FANCM: variants seen among roughly 807,000 people sequenced by gnomAD.
FANCM encodes Fanconi anemia group M protein.
A neutral mutation model predicts 199.5 loss-of-function variants in FANCM; 140 were observed. That is an observed-to-expected ratio of 0.70 (90% CI 0.61 to 0.81). The LOEUF (loss-of-function observed/expected upper bound fraction) is 0.81, where lower values mean the gene tolerates loss of function less well. FANCM is among the 30% of genes least tolerant of loss of function. The pLI is 0.00. For synonymous variants in FANCM, 840 were observed against 836.8 expected (o/e 1.00, Z -0.07); for missense variants, 2,410 against 2,421.4 (o/e 1.00, Z 0.10).
rs1012298478 is a variant in FANCM, at chr14:45,140,777, A to G, written c.759+68A>G. ...AGCTTTTGGCCAGGTGCAGTGAGTC[A>G]TACCTGTAATCCTAGTGCTTTGGGA... On this transcript the variant is annotated intron_variant, in intron 3 of 22. Coordinates refer to ENST00000267430, the MANE Select transcript of FANCM (RefSeq NM_020937.4). The G allele has an allele frequency of 2.4e-4, 225 of 952,260 alleles. 3 individuals carry two copies. The South Asian group carries it at 2.8e-3, about 12-fold the overall frequency. 59.0% of individuals were successfully genotyped at this position (952,260 alleles called of 1,614,324 possible). A position where few individuals can be genotyped will look rare whatever the true frequency, so the allele number is the denominator to read the frequency against.
intron 8 of FANCM, among the ~76,000 whole-genome samples, chr14:45,157,042 G>C (rs1231943746): frequency 6.6e-6 from 1 of 151,704 alleles, no homozygotes; most frequent in Non-Finnish European, 1.5e-5. Context: ...AAGTATGTGA[G>C]GTAATATGTA....
rs764743944 is a variant in FANCM, at chr14:45,159,205, T to TTA, written c.1506_1507insTA (p.Ile503Ter). ...AAATGCTTTCACAGCATCAGCCAAT[T>TTA]ATTAGAGTAATGACTTTTGTCGGCC... On this transcript the variant is annotated frameshift_variant, in exon 9 of 23. Coordinates refer to ENST00000267430, the MANE Select transcript of FANCM (RefSeq NM_020937.4). LOFTEE classifies it high-confidence loss of function. The TTA allele has an allele frequency of 1.2e-6, 2 of 1,613,904 alleles. No homozygotes were observed. The highest frequency in any genetic ancestry group is 2.7e-5 in the African/African-American group (2 of 75,050).
Position 45,200,033 on chromosome 14 carries a change from C to G in FANCM, c.*25C>G. The stretch of plus-strand genomic sequence containing the variant: ...ATCAAGCTGCTCAAGATGGGGTTTT[C>G]AAAGACCTCTCACAATATTAAATGC... On this transcript the variant is annotated 3_prime_UTR_variant, in exon 23 of 23. Transcript: ENST00000267430. The G allele has an allele frequency of 6.4e-7, 1 of 1,568,402 alleles. No homozygotes were observed. Among genetic ancestry groups the G allele is most frequent in the South Asian group, 1.1e-5 (1 of 89,764 alleles).
chr14:45,155,815 AAAAC>A (rs752612792), intron 8 of FANCM, among the ~76,000 whole-genome samples: 15 of 152,216 alleles, frequency 9.9e-5, no homozygotes, highest in East Asian at 1.9e-4. Context: ...TCTCGAAAAT[AAAAC>A]AAACAAAGAA....
chr14:45,161,736 C>G (rs1887622047), intron 9 of FANCM, among the ~76,000 whole-genome samples: 1 of 151,980 alleles, frequency 6.6e-6, no homozygotes, highest in Non-Finnish European at 1.5e-5. Flanking sequence ...AAGATCACAC[C>G]ACTGCACTTC....
chr14:45,197,201 C>T (rs1481741631), intron 21 of FANCM, among the ~76,000 whole-genome samples: 1 of 152,098 alleles, frequency 6.6e-6, no homozygotes, highest in Non-Finnish European at 1.5e-5. Context: ...ACTGGCTTCT[C>T]TGTGTGATAT....
intron 20 of FANCM, chr14:45,195,350 G>A: frequency 2.9e-6 from 1 of 342,772 alleles, no homozygotes; most frequent in Non-Finnish European, 5.8e-6. Flanking sequence ...CCAGTATGTA[G>A]ATACCAATTC....
Position 45,183,825 on chromosome 14 carries a change from C to T in FANCM, c.4438C>T (p.Gln1480Ter). 1 of 1,608,836 alleles carries T rather than the reference C, an allele frequency of 6.2e-7. No homozygotes were observed. The highest frequency in any genetic ancestry group is 8.5e-7 in the Non-Finnish European group (1 of 1,175,612). Reference sequence around the variant, plus strand: ...TGAGAATTTTCCCAAACCATGTTCACAATTAGAAGACTTCAAGGTTTGTAA... The same window carrying T: ...TGAGAATTTTCCCAAACCATGTTCATAATTAGAAGACTTCAAGGTTTGTAA... ...ESENFPKPCS[Q>*]LEDFKVCNGN... The change falls in exon 17 of 23, where the codon CAA becomes TAA. Residue 1480 changes from glutamine (Q) to a stop codon, truncating the protein, a stop_gained. Coordinates refer to ENST00000267430, the MANE Select transcript of FANCM (RefSeq NM_020937.4). LOFTEE classifies it high-confidence loss of function.
At chr14:45,188,724 C>G in intron 19 of FANCM, 78 bp from the exon 20 acceptor site, 1 of 1,061,566 alleles carries the variant, frequency 9.4e-7, no homozygotes, top group South Asian at 1.4e-5. Flanking sequence ...ATGCAGATTT[C>G]ATGTGCCTAG....
rs527453705 is a variant in FANCM at position 45,183,855 on chromosome 14, A to G, written c.4468A>G (p.Asn1490Asp). The part of the protein sequence containing the change: ...QLEDFKVCNG[N>D]ARRGIKVPKR... ...AGAAGACTTCAAGGTTTGTAACGGG[A>G]ATGCCAGAAGAGGCATCAAAGTCCC... The change falls in exon 17 of 23, where the codon AAT (asparagine) becomes GAT (aspartate). Residue 1490 changes from asparagine to aspartate, a missense_variant. Physicochemically the swap from Asn to Asp is conservative, Grantham distance 23. Coordinates refer to ENST00000267430, the MANE Select transcript of FANCM (RefSeq NM_020937.4). 4.3e-6 allele frequency: 7 copies of G among 1,611,782 alleles called. No individual in the cohort carries two copies. The South Asian group carries it at 6.6e-5, about 15-fold the overall frequency.
At chr14:45,186,114 C>A (rs888326212) in intron 18 of FANCM, among the ~76,000 whole-genome samples, 3 of 152,052 alleles carry the variant, frequency 2.0e-5, no homozygotes, top group African/African-American at 7.2e-5. Flanking sequence ...GGTTGGTCTC[C>A]AACTCCAGGC....
Position 45,167,100 on chromosome 14 carries a change from TA to T in FANCM, c.1940del (p.Tyr647LeufsTer23). On this transcript the variant is annotated frameshift_variant, in exon 11 of 23. Coordinates refer to ENST00000267430, the MANE Select transcript of FANCM (RefSeq NM_020937.4). LOFTEE classifies it high-confidence loss of function. Reference sequence around the variant, plus strand: ...CAAAATGTTCATCACACATGGTGTCTATGAACCAGAGAAGCCTTCTCGGAAC... The same window carrying T: ...CAAAATGTTCATCACACATGGTGTCTTGAACCAGAGAAGCCTTCTCGGAAC... The part of the protein sequence containing the change: ...LHKMFITHGV[Y>X]EPEKPSRNLQ... 1 of 1,613,528 alleles carries T rather than the reference TA, an allele frequency of 6.2e-7. No individual in the cohort carries two copies. The highest frequency in any genetic ancestry group is 8.5e-7 in the Non-Finnish European group (1 of 1,179,462).
intron 8 of FANCM, among the ~76,000 whole-genome samples, chr14:45,155,886 A>G (rs1468978771): frequency 7.1e-6 from 1 of 140,650 alleles, no homozygotes; most frequent in Non-Finnish European, 1.5e-5. Flanking sequence ...TGGGCTTTTA[A>G]TTAACTCTGG....
rs202244071 is a variant in FANCM, at chr14:45,180,442, T to TC, written c.4223-988_4223-987insC. Among the ~76,000 whole-genome samples, 1,307 of 152,006 alleles carry TC rather than the reference T, an allele frequency of 8.6e-3. 18 individuals carry two copies. The highest frequency in any genetic ancestry group is 0.03 in the African/African-American group (1,240 of 41,432). ...TGATAAGTATGTGGTGTTTTTTTTT[T>TC]TGTTTTTTGTTTTTTCCCCCACCAG... On this transcript the variant is annotated intron_variant, in intron 14 of 22. Transcript: ENST00000267430.
intron 3 of FANCM, among the ~76,000 whole-genome samples, chr14:45,147,260 C>T (rs562864347): frequency 8.9e-4 from 136 of 151,998 alleles, no homozygotes; most frequent in Middle Eastern, 3.4e-3. Context: ...TGTTCCCCGC[C>T]CCCCCCAAAA....
intron 20 of FANCM, among the ~76,000 whole-genome samples, chr14:45,191,077 T>C (rs1223243210): frequency 6.6e-6 from 1 of 152,210 alleles, no homozygotes; most frequent in Non-Finnish European, 1.5e-5. Flanking sequence ...GGTCTGTTAT[T>C]TGAGAATCAT....
chr14:45,159,301 T>TA (rs749989467), intron 9 of FANCM, 21 bp downstream of exon 9: 2 of 1,550,634 alleles, frequency 1.3e-6, no homozygotes, highest in South Asian at 2.3e-5. Context: ...TTGGAATTGA[T>TA]AAAAATAAAA....
intron 9 of FANCM, 147 bp from the exon 10 acceptor site, chr14:45,164,212 T>A: frequency 1.4e-6 from 1 of 698,050 alleles, no homozygotes. Flanking sequence ...CCCAAAGTGT[T>A]GACATTACAG....
intron 9 of FANCM, among the ~76,000 whole-genome samples, chr14:45,159,707 T>C (rs542593536): frequency 1.3e-5 from 2 of 152,296 alleles, no homozygotes; most frequent in Non-Finnish European, 2.9e-5. Flanking sequence ...ATAATTAGCC[T>C]CTTTTTATTT....
Sources: gnomAD v4.1 joint callset for allele counts (sites outside exome capture counted in the v4.1 genomes callset) on GRCh38, gnomAD v4.1.1 for gene constraint, MANE v1.5 for transcripts, NCBI Gene and HGNC (gene_info 2026-07-23, HGNC 2026-07-21) for gene names.